Variants in ADAM23 observed in about 807,000 individuals in gnomAD.
ADAM23 encodes the protein disintegrin and metalloproteinase domain-containing protein 23.
A neutral mutation model predicts 120.1 loss-of-function variants in ADAM23; 33 were observed. The observed-to-expected ratio is 0.27, with a 90% CI of 0.21 to 0.37. ADAM23 has a LOEUF of 0.37. ADAM23 is among the 10% of genes least tolerant of loss of function. The pLI is 1.00. For missense variants in ADAM23, 862 were observed against 1,058.2 expected (o/e 0.81, Z 2.57); for synonymous variants, 367 against 375.2 (o/e 0.98, Z 0.25).
At chr2:206,449,879 G>A (rs566915120) in intron 2 of ADAM23, among the ~76,000 whole-genome samples, 34 of 152,310 alleles carry the variant, frequency 2.2e-4, no homozygotes, top group Admixed American at 2.2e-3. Flanking sequence ...GCATAGCACC[G>A]GACCTTGGGG....
chr2:206,549,382 A>T (rs750099113), intron 8 of ADAM23, among the ~76,000 whole-genome samples: 10 of 151,856 alleles, frequency 6.6e-5, no homozygotes, highest in Non-Finnish European at 1.5e-4. Context: ...CTCATCAAAT[A>T]TAAAGTGATC....
chr2:206,529,872 C>T (rs1387423356), intron 3 of ADAM23, among the ~76,000 whole-genome samples: 2 of 151,844 alleles, frequency 1.3e-5, no homozygotes, highest in Admixed American at 1.3e-4. Context: ...AGTGCAGTGG[C>T]ATGATCTCGG....
intron 25 of ADAM23, among the ~76,000 whole-genome samples, chr2:206,611,285 G>T (rs1698821915): frequency 1.3e-5 from 2 of 152,004 alleles, no homozygotes; most frequent in Non-Finnish European, 2.9e-5. Flanking sequence ...TGGCATCAGT[G>T]TGTTTTCAAA....
At chr2:206,544,027 A>G (rs929832592) in intron 6 of ADAM23, among the ~76,000 whole-genome samples, 3 of 152,178 alleles carry the variant, frequency 2.0e-5, no homozygotes, top group Non-Finnish European at 4.4e-5. Context: ...AGTGTACACT[A>G]CTTGGGTGAT....
intron 2 of ADAM23, among the ~76,000 whole-genome samples, chr2:206,480,286 A>G (rs1695869335): frequency 6.6e-6 from 1 of 151,986 alleles, no homozygotes; most frequent in African/African-American, 2.4e-5. Flanking sequence ...GGAAGGAGGG[A>G]ATAGAAAGTA....
At chr2:206,497,516 G>A (rs185378067) in intron 3 of ADAM23, among the ~76,000 whole-genome samples, 12,617 of 152,028 alleles carry the variant, frequency 0.083, 645 homozygotes, top group Admixed American at 0.13. Context: ...AATAATAAGA[G>A]CTATCTATGA....
At chr2:206,610,237 C>T (rs969240507) in intron 25 of ADAM23, among the ~76,000 whole-genome samples, 4 of 152,126 alleles carry the variant, frequency 2.6e-5, no homozygotes, top group Non-Finnish European at 4.4e-5. Flanking sequence ...AGGAGAACAA[C>T]GAAGTTCTTT....
Position 206,594,873 on chromosome 2 carries a change from G to A in ADAM23, c.2215G>A (p.Asp739Asn), listed in dbSNP as rs1274707603. 11 of 1,613,938 alleles carry A rather than the reference G, an allele frequency of 6.8e-6. No homozygotes were observed. The highest frequency in any genetic ancestry group is 2.2e-5 in the South Asian group (2 of 91,066). The change falls in exon 23 of 26, where the codon GAT becomes AAT. Residue 739 changes from aspartate (D) to asparagine (N), a missense_variant. Physicochemically the swap from Asp to Asn is conservative, Grantham distance 23 (BLOSUM62 1). Around this residue, in one of 4 missense-constraint regions of ADAM23, gnomAD observed 617 missense variants for 813.5 expected, o/e 0.76. Coordinates refer to ENST00000264377, the MANE Select transcript of ADAM23 (RefSeq NM_003812.4). ...QALNMSSCPL[D>N]SKGKVCSGHG... The stretch of plus-strand genomic sequence containing the variant: ...CCTAAATATGAGCAGCTGTCCACTC[G>A]ATTCCAAGGGTAAAGTCTGTTCGGG...
intron 15 of ADAM23, among the ~76,000 whole-genome samples, chr2:206,569,204 GT>G (rs1266096439): frequency 1.3e-5 from 2 of 152,182 alleles, no homozygotes; most frequent in African/African-American, 4.8e-5. Flanking sequence ...GTTTGGAAAG[GT>G]TAAGGTTTCT....
intron 9 of ADAM23, among the ~76,000 whole-genome samples, chr2:206,550,424 A>G (rs578228006): frequency 1.1e-4 from 17 of 152,066 alleles, no homozygotes; most frequent in Non-Finnish European, 2.1e-4. Context: ...CTTATTCTCT[A>G]CTTTTCTTCA....
intron 1 of ADAM23, 134 bp downstream of exon 1, chr2:206,444,214 A>C: frequency 1.5e-6 from 1 of 655,596 alleles, no homozygotes. Context: ...CTGTCTTTCC[A>C]CCCTTCTCGT....
chr2:206,562,445 A>G (rs1295777343), intron 13 of ADAM23, 152 bp downstream of exon 13: 3 of 615,936 alleles, frequency 4.9e-6, no homozygotes, highest in Non-Finnish European at 8.1e-6. Context: ...TAAGCAACTT[A>G]AGGTAATTTT....
intron 22 of ADAM23, among the ~76,000 whole-genome samples, chr2:206,593,298 A>G (rs1157458423): frequency 6.6e-6 from 1 of 152,156 alleles, no homozygotes; most frequent in African/African-American, 2.4e-5. Flanking sequence ...TATATTCCAA[A>G]TAGGTATTGT....
intron 4 of ADAM23, among the ~76,000 whole-genome samples, chr2:206,535,994 A>G (rs1162685987): frequency 3.3e-5 from 5 of 152,216 alleles, no homozygotes; most frequent in Non-Finnish European, 5.9e-5. Flanking sequence ...AATAACAACA[A>G]CAATAAAAAA....
At chr2:206,477,051 A>G (rs983753264) in intron 2 of ADAM23, among the ~76,000 whole-genome samples, 1 of 152,172 alleles carries the variant, frequency 6.6e-6, no homozygotes, top group Non-Finnish European at 1.5e-5. Context: ...TATATTAGCT[A>G]TTCTAGAATA....
At chr2:206,550,041 TAG>T in intron 8 of ADAM23, 52 bp from the exon 9 acceptor site, 1 of 1,151,968 alleles carries the variant, frequency 8.7e-7, no homozygotes, top group Non-Finnish European at 1.3e-6. Context: ...CAGTGAGCAC[TAG>T]AGAGATTTTA....
chr2:206,589,656 T>G lies in ADAM23; in HGVS notation c.1958+142T>G, dbSNP rs914589256. The stretch of plus-strand genomic sequence containing the variant: ...ATTTAAAGTATTTATTTTTAATAGG[T>G]ATTATTATATCTAGAGGCAAATGGC... On this transcript the variant is annotated intron_variant, in intron 21 of 25. Transcript: ENST00000264377. The G allele has an allele frequency of 2.8e-5, 16 of 581,666 alleles. No individual in the cohort carries two copies. The African/African-American group carries it at 2.8e-4, about 10-fold the overall frequency. 36.0% of individuals were successfully genotyped at this position (581,666 alleles called of 1,614,324 possible). A position where few individuals can be genotyped will look rare whatever the true frequency, so the allele number is the denominator to read the frequency against.
chr2:206,458,061 T>G (rs141327355), intron 2 of ADAM23, among the ~76,000 whole-genome samples: 1 of 152,214 alleles, frequency 6.6e-6, no homozygotes, highest in Non-Finnish European at 1.5e-5. Flanking sequence ...TAAATATGAT[T>G]GTGCTGCTAG....
intron 21 of ADAM23, among the ~76,000 whole-genome samples, 161 bp from the exon 22 acceptor site, chr2:206,592,456 A>G (rs979898844): frequency 6.6e-6 from 1 of 152,224 alleles, no homozygotes; most frequent in African/African-American, 2.4e-5. Flanking sequence ...CTTAGCAAAG[A>G]AGGAGGAGGT....
Sources: allele counts gnomAD v4.1 joint callset (sites outside exome capture counted in the v4.1 genomes callset), GRCh38; gene constraint gnomAD v4.1.1; regional missense constraint gnomAD v4.1.1; transcripts MANE v1.5; gene names NCBI Gene and HGNC (gene_info 2026-07-23, HGNC 2026-07-21).